WDR70: variants seen among roughly 807,000 people sequenced by gnomAD.
WDR70 encodes the protein WD repeat domain 70, also known as WD repeat-containing protein 70.
Under a neutral mutation model 88.6 loss-of-function variants are expected in WDR70, and 53 were observed. The observed-to-expected ratio is 0.60, with a 90% CI of 0.48 to 0.75. The LOEUF (loss-of-function observed/expected upper bound fraction) is 0.75. Among genes scored for constraint, WDR70 ranks in the 30% least tolerant of loss-of-function variants. The probability of loss-of-function intolerance (pLI) is 0.00; values close to 1 mark genes in which losing one functional copy is unlikely to be tolerated. For synonymous variants in WDR70, 280 were observed against 270.0 expected (o/e 1.04, Z -0.36); for missense variants, 610 against 823.2 (o/e 0.74, Z 3.17).
chr5:37,481,988 C>T (rs1183078687), intron 8 of WDR70, among the ~76,000 whole-genome samples: 1 of 152,180 alleles, frequency 6.6e-6, no homozygotes, highest in Non-Finnish European at 1.5e-5. Context: ...ACAATGCCTC[C>T]AGTGTCTTTG....
chr5:37,529,289 G>T (rs1741408207), intron 9 of WDR70, among the ~76,000 whole-genome samples: 1 of 152,016 alleles, frequency 6.6e-6, no homozygotes, highest in Non-Finnish European at 1.5e-5. Flanking sequence ...GCTTAGTCTT[G>T]CTTTGGCTAT....
intron 10 of WDR70, among the ~76,000 whole-genome samples, chr5:37,636,625 G>T (rs1285589818): frequency 6.6e-6 from 1 of 152,126 alleles, no homozygotes; most frequent in Non-Finnish European, 1.5e-5. Flanking sequence ...TTGATATGAT[G>T]CATATGAAGG....
intron 10 of WDR70, among the ~76,000 whole-genome samples, chr5:37,631,421 G>A (rs1320515710): frequency 6.6e-6 from 1 of 152,140 alleles, no homozygotes; most frequent in Admixed American, 6.5e-5. Flanking sequence ...AGTAACAATA[G>A]TGGTGATAAC....
At chr5:37,717,286 TA>T (rs1197256291) in intron 13 of WDR70, among the ~76,000 whole-genome samples, 1 of 152,248 alleles carries the variant, frequency 6.6e-6, no homozygotes, top group Non-Finnish European at 1.5e-5. Context: ...ATAAGTTTAT[TA>T]AAATATGCAG....
At chr5:37,668,924 A>G (rs903648408) in intron 10 of WDR70, among the ~76,000 whole-genome samples, 2 of 152,228 alleles carry the variant, frequency 1.3e-5, no homozygotes, top group Non-Finnish European at 2.9e-5. Context: ...ACCTGGACTG[A>G]AAGTAGAGAA....
intron 4 of WDR70, among the ~76,000 whole-genome samples, chr5:37,394,041 T>G (rs1360020706): frequency 1.3e-5 from 2 of 152,104 alleles, no homozygotes; most frequent in African/African-American, 4.8e-5. Flanking sequence ...GGGAGGTGGC[T>G]CATGCCTGTA....
At chr5:37,440,063 A>G (rs1335879373) in intron 6 of WDR70, among the ~76,000 whole-genome samples, 2 of 152,290 alleles carry the variant, frequency 1.3e-5, no homozygotes, top group Middle Eastern at 3.4e-3. Context: ...ACATCTTTTT[A>G]GAGTCAGTTT....
intron 5 of WDR70, among the ~76,000 whole-genome samples, chr5:37,398,388 C>A (rs1749093906): frequency 6.6e-6 from 1 of 152,080 alleles, no homozygotes; most frequent in African/African-American, 2.4e-5. Flanking sequence ...CCCGGCCGCA[C>A]TTGGGGTAGA....
chr5:37,681,487 T>C (rs1746434556), intron 10 of WDR70, among the ~76,000 whole-genome samples: 1 of 152,126 alleles, frequency 6.6e-6, no homozygotes, highest in Non-Finnish European at 1.5e-5. Flanking sequence ...TAATGAGAAA[T>C]GGCATTCTTG....
At chr5:37,736,494 A>G (rs1293922360) in intron 17 of WDR70, among the ~76,000 whole-genome samples, 2 of 152,024 alleles carry the variant, frequency 1.3e-5, no homozygotes, top group African/African-American at 2.4e-5. Context: ...GAGAGAAAAT[A>G]TATTTTTTCC....
chr5:37,537,739 C>G, intron 9 of WDR70, among the ~76,000 whole-genome samples: 1 of 152,060 alleles, frequency 6.6e-6, no homozygotes, highest in East Asian at 1.9e-4. Flanking sequence ...TTGTGATTGT[C>G]AAATGAATAT....
At chr5:37,641,251 G>A (rs967583891) in intron 10 of WDR70, among the ~76,000 whole-genome samples, 1 of 151,926 alleles carries the variant, frequency 6.6e-6, no homozygotes, top group African/African-American at 2.4e-5. Context: ...GAGTAGCTGG[G>A]ATTATAGGCC....
chr5:37,413,707 C>T (rs111767748), intron 5 of WDR70, among the ~76,000 whole-genome samples: 15,842 of 132,612 alleles, frequency 0.12, 2,814 homozygotes, highest in African/African-American at 0.39. Context: ...GGCGACAGAG[C>T]GAGACTCTGT....
At chr5:37,520,179 T>C (rs936513765) in intron 9 of WDR70, among the ~76,000 whole-genome samples, 1 of 152,184 alleles carries the variant, frequency 6.6e-6, no homozygotes, top group Admixed American at 6.5e-5. Context: ...TTTTTATTCT[T>C]AGGTTATTTT....
intron 10 of WDR70, among the ~76,000 whole-genome samples, chr5:37,643,602 G>C (rs779961404): frequency 1.8e-4 from 28 of 151,388 alleles, no homozygotes; most frequent in Admixed American, 3.3e-4. Context: ...TAACAATATT[G>C]ATTCTTCCAA....
intron 8 of WDR70, among the ~76,000 whole-genome samples, chr5:37,481,665 A>C (rs1739674512): frequency 6.6e-6 from 1 of 152,088 alleles, no homozygotes; most frequent in Non-Finnish European, 1.5e-5. Flanking sequence ...AGGGTCTCTA[A>C]CATGCCCTGG....
At chr5:37,388,780 A>G (rs549543461) in intron 3 of WDR70, among the ~76,000 whole-genome samples, 2 of 148,880 alleles carry the variant, frequency 1.3e-5, no homozygotes, top group South Asian at 4.2e-4. Flanking sequence ...AAAAAGAGGG[A>G]GGACTGGCAT....
At chr5:37,415,710 C>T (rs1749711388) in intron 5 of WDR70, among the ~76,000 whole-genome samples, 1 of 151,042 alleles carries the variant, frequency 6.6e-6, no homozygotes, top group Non-Finnish European at 1.5e-5. Context: ...CCTCACTTCT[C>T]AGACGGGGCG....
chr5:37,401,164 A>ATT (rs559450523), intron 5 of WDR70, among the ~76,000 whole-genome samples: 40,122 of 69,012 alleles, frequency 0.58, 14,959 homozygotes, highest in Non-Finnish European at 0.74. Context: ...ACACCTAGCT[A>ATT]TTTTTTTTTT....
Sources: gnomAD v4.1 joint callset for allele counts (sites outside exome capture counted in the v4.1 genomes callset) on GRCh38, gnomAD v4.1.1 for gene constraint, MANE v1.5 for transcripts, NCBI Gene and HGNC (gene_info 2026-07-23, HGNC 2026-07-21) for gene names.